Variants in ATAD2 observed in about 807,000 individuals in gnomAD.
The protein encoded by ATAD2 is ATPase family AAA domain-containing protein 2.
ATAD2 carries 62 observed loss-of-function variants against 168.9 expected under a neutral mutation model. The ratio of observed to expected loss-of-function variants is 0.37; its 90% CI spans 0.30 to 0.45. The LOEUF (loss-of-function observed/expected upper bound fraction) is 0.45. Among genes scored for constraint, ATAD2 ranks in the 20% least tolerant of loss-of-function variants. The pLI, the probability that ATAD2 is intolerant of heterozygous loss-of-function variation, is 1.00. For synonymous variants in ATAD2, 613 were observed against 571.6 expected, an observed-to-expected ratio of 1.07 and a Z score of -1.03; for missense variants, 1,419 against 1,667.8, an observed-to-expected ratio of 0.85 and a Z score of 2.60.
intron 24 of ATAD2, among the ~76,000 whole-genome samples, chr8:123,329,295 G>A: frequency 6.6e-6 from 1 of 152,056 alleles, no homozygotes; most frequent in East Asian, 1.9e-4. Context: ...CTAGACTGGA[G>A]TGCAATGGCT....
chr8:123,326,373 A>G (rs971592410), intron 25 of ATAD2, among the ~76,000 whole-genome samples: 9 of 152,122 alleles, frequency 5.9e-5, no homozygotes, highest in Non-Finnish European at 1.2e-4. Context: ...AATCTGGCCC[A>G]CCACTGTAAA....
rs1194344285 is a variant in ATAD2, at chr8:123,336,477, C to A, written c.3107G>T (p.Ser1036Ile). 7.2e-6 allele frequency: 11 copies of A among 1,531,288 alleles called. No individual in the cohort carries two copies. Among genetic ancestry groups the A allele is most frequent in the Non-Finnish European group, 8.7e-6 (10 of 1,146,858 alleles). 94.9% of individuals were successfully genotyped at this position (1,531,288 alleles called of 1,614,324 possible). A position where few individuals can be genotyped will look rare whatever the true frequency, so the allele number is the denominator to read the frequency against. Residue 1036 changes from serine (S) to isoleucine (I), a missense_variant, in exon 22 of 28, where the codon AGT becomes ATT. By Grantham distance (142) the Ser-to-Ile change is moderately radical. Coordinates refer to ENST00000287394, the MANE Select transcript of ATAD2 (RefSeq NM_014109.4). ...KQPMDLSSVI[S>I]KIDLHKYLTV... ...CAGATACTTGTGTAGATCAATTTTACTGATTACAGATGAAAGGTCCATTGG... is the reference window on the plus strand; with the variant it reads ...CAGATACTTGTGTAGATCAATTTTAATGATTACAGATGAAAGGTCCATTGG...
At chr8:123,370,241 C>A (rs1829110796) in intron 6 of ATAD2, among the ~76,000 whole-genome samples, 1 of 150,340 alleles carries the variant, frequency 6.7e-6, no homozygotes, top group Non-Finnish European at 1.5e-5. Flanking sequence ...CAGAAAAACA[C>A]AAGGAAGGAA....
At position 123,369,199 on chromosome 8, in the gene ATAD2, A is replaced by G. The variant is rs575854418; in HGVS notation, c.932-24T>C. The G allele has an allele frequency of 2.0e-4, 169 of 845,406 alleles. 5 individuals are homozygous for G. The South Asian group carries it at 4.6e-3, about 23-fold the overall frequency. The allele number at this position is 845,406 out of a possible 1,614,324, so 52.4% of individuals were successfully genotyped here. ...TTCTAAAAAAAAGAAATATATATAT[A>G]TATTTGTATATATATATATATATGG... On this transcript the variant is annotated intron_variant, in intron 7 of 27. Transcript: ENST00000287394.
chr8:123,403,324 T>TC (rs1188460824), intron 1 of ATAD2, among the ~76,000 whole-genome samples: 1 of 152,028 alleles, frequency 6.6e-6, no homozygotes, highest in Non-Finnish European at 1.5e-5. Context: ...GGTCTCGAAC[T>TC]CCTGAGCTCA....
chr8:123,410,098 A>C lies in ATAD2; in HGVS notation c.-2282+6150T>G, dbSNP rs1813132272. The stretch of plus-strand genomic sequence containing the variant: ...TTTCTTATAATTTCCTCTGTTATTG[A>C]TCTCTCTTCTAAACACCTGCCCATT... On this transcript the variant is annotated intron_variant, in intron 1 of 28. Coordinates refer to the ATAD2 transcript ENST00000521903. Among the ~76,000 whole-genome samples, 3 of 151,766 alleles carry C rather than the reference A, an allele frequency of 2.0e-5. No homozygotes were observed. The South Asian group carries it at 6.2e-4, about 31-fold the overall frequency.
At chr8:123,384,365 A>G (rs927495013) in intron 1 of ATAD2, among the ~76,000 whole-genome samples, 2 of 152,240 alleles carry the variant, frequency 1.3e-5, no homozygotes, top group Non-Finnish European at 1.5e-5. Context: ...ACAAAAACAC[A>G]GTCTTGATTT....
chr8:123,329,981 C>CTTTTTTTT lies in ATAD2; in HGVS notation c.3479-1410_3479-1403dup, dbSNP rs71310666. Among the ~76,000 whole-genome samples the CTTTTTTTT allele has an allele frequency of 7.6e-4, 76 of 100,304 alleles. 1 individual carries two copies. Among genetic ancestry groups the CTTTTTTTT allele is most frequent in the African/African-American group, 2.7e-3 (74 of 27,586 alleles). The allele number at this position is 100,304 out of a possible 152,430, so 65.8% of individuals were successfully genotyped here. A position where few individuals can be genotyped will look rare whatever the true frequency, so the allele number is the denominator to read the frequency against. The stretch of plus-strand genomic sequence containing the variant: ...AGATTACCTTTCTCCCCAGTGGCTT[C>CTTTTTTTT]TTTTTTTTTTTTTTTTTTTTTTTTG... On this transcript the variant is annotated intron_variant, in intron 24 of 27. Transcript: ENST00000287394.
rs192280703 is a variant in ATAD2 at position 123,325,811 on chromosome 8, G to A, written c.4002+82C>T. 1.2e-5 allele frequency: 19 copies of A among 1,520,202 alleles called. No individual in the cohort carries two copies. In the East Asian group the frequency reaches 4.3e-4, roughly 34 times the overall value. The allele number at this position is 1,520,202 out of a possible 1,614,324, so 94.2% of individuals were successfully genotyped here. On this transcript the variant is annotated intron_variant, in intron 26 of 27. Coordinates refer to ENST00000287394, the MANE Select transcript of ATAD2 (RefSeq NM_014109.4). ...TACTTTTTCATGTAAATCCCATGTA[G>A]CCAGAATGCTACTAGTCACAAGCCA...
chr8:123,345,676 G>T (rs1458630027), intron 18 of ATAD2, among the ~76,000 whole-genome samples: 1 of 152,010 alleles, frequency 6.6e-6, no homozygotes, highest in Non-Finnish European at 1.5e-5. Context: ...GTAAGACTCC[G>T]TCTCAAAAAA....
At chr8:123,385,674 CT>C (rs1430123940) in intron 1 of ATAD2, among the ~76,000 whole-genome samples, 6 of 151,920 alleles carry the variant, frequency 3.9e-5, no homozygotes, top group African/African-American at 1.4e-4. Flanking sequence ...AAATGAGTAC[CT>C]TTTATGCATA....
chr8:123,398,419 T>TG (rs1458571893), upstream of ATAD2, among the ~76,000 whole-genome samples: 2 of 151,584 alleles, frequency 1.3e-5, no homozygotes, highest in Non-Finnish European at 2.9e-5. Context: ...TTAGTAGAGA[T>TG]GGGGTCTTAC....
upstream of ATAD2, among the ~76,000 whole-genome samples, chr8:123,397,098 G>A (rs141649861): frequency 2.0e-5 from 3 of 151,986 alleles, no homozygotes; most frequent in South Asian, 4.2e-4. Flanking sequence ...AGAAGATCTC[G>A]AACAAATTAT....
In ATAD2 at chr8:123,331,840, C is replaced by T. The variant is rs188282900; in HGVS notation, c.3478+2038G>A. ...TTTACTGGACAGGCCAACTGCTCAC[C>T]GCATCACACATCGTTTTAAGCAGAT... On this transcript the variant is annotated intron_variant, in intron 24 of 27. Coordinates refer to ENST00000287394, the MANE Select transcript of ATAD2 (RefSeq NM_014109.4). Among the ~76,000 whole-genome samples the T allele has an allele frequency of 3.6e-3, 549 of 152,244 alleles. 2 individuals are homozygous for T. The highest frequency in any genetic ancestry group is 6.1e-3 in the Non-Finnish European group (417 of 68,018).
chr8:123,352,797 C>T (rs1053504669), intron 13 of ATAD2, among the ~76,000 whole-genome samples: 4 of 151,554 alleles, frequency 2.6e-5, no homozygotes, highest in Non-Finnish European at 5.9e-5. Flanking sequence ...GGCATGGTGG[C>T]TCATGCCTGT....
Position 123,344,906 on chromosome 8 carries a change from G to T in ATAD2, c.2696C>A (p.Pro899His), listed in dbSNP as rs773943905. 2 of 1,614,056 alleles carry T rather than the reference G, an allele frequency of 1.2e-6. No homozygotes were observed. Among genetic ancestry groups the T allele is most frequent in the South Asian group, 1.1e-5 (1 of 91,082 alleles). ...PVLLLATSDK[P>H]HSALPEEVQE... ...TACCTCTTCTGGCAAAGCGGAATGG[G>T]GTTTGTCAGAAGTTGCAAGTAGTAA... Residue 899 changes from proline to histidine, a missense_variant, in exon 19 of 28, where the codon CCC (proline) becomes CAC (histidine). By Grantham distance (77) the Pro-to-His change is moderately conservative. This residue lies in a region of ATAD2 where 545 missense variants were observed against 724.9 expected (regional missense o/e 0.75). Transcript: ENST00000287394.
intron 1 of ATAD2, among the ~76,000 whole-genome samples, chr8:123,381,139 GAA>G (rs978039940): frequency 2.6e-5 from 4 of 152,146 alleles, no homozygotes; most frequent in African/African-American, 9.7e-5. Flanking sequence ...CTTAAACAAT[GAA>G]AAAGAGTTAT....
Position 123,330,007 on chromosome 8 carries a change from A to T in ATAD2, c.3479-1428T>A, listed in dbSNP as rs1230865040. Among the ~76,000 whole-genome samples the T allele has an allele frequency of 2.9e-4, 16 of 55,882 alleles. No homozygotes were observed. In the South Asian group the frequency reaches 8.1e-3, roughly 28 times the overall value. 36.7% of individuals were successfully genotyped at this position (55,882 alleles called of 152,430 possible). On this transcript the variant is annotated intron_variant, in intron 24 of 27. Transcript: ENST00000287394. ...TTTTTTTTTTTTTTTTTTTTTTTTG[A>T]GACAGGGTCTTGCTCTGTCACCCAG... is the stretch of plus-strand genomic sequence containing the variant.
chr8:123,388,678 C>T (rs926590118), intron 1 of ATAD2, among the ~76,000 whole-genome samples: 1 of 151,998 alleles, frequency 6.6e-6, no homozygotes, highest in Non-Finnish European at 1.5e-5. Flanking sequence ...GCCACCATGC[C>T]CAGCCAATTT....
Sources: allele counts gnomAD v4.1 joint callset (sites outside exome capture counted in the v4.1 genomes callset), GRCh38; gene constraint gnomAD v4.1.1; regional missense constraint gnomAD v4.1.1; transcripts MANE v1.5; gene names NCBI Gene and HGNC (gene_info 2026-07-23, HGNC 2026-07-21).